Variants in THAP8 observed in about 807,000 individuals in gnomAD.
THAP8 encodes THAP domain-containing protein 8.
A neutral mutation model predicts 25.0 loss-of-function variants in THAP8; 24 were observed. That is an observed-to-expected ratio of 0.96 (90% CI 0.69 to 1.35). The LOEUF is 1.35. THAP8 is among the 40% of genes most tolerant of loss of function. The pLI is 0.00. For missense variants in THAP8, 399 were observed against 368.8 expected (o/e 1.08, Z -0.67); for synonymous variants, 169 against 157.6 (o/e 1.07, Z -0.54).
chr19:36,036,449 T>C (rs1389883077), intron 3 of THAP8, among the ~76,000 whole-genome samples: 2 of 152,088 alleles, frequency 1.3e-5, no homozygotes, highest in African/African-American at 4.8e-5. Flanking sequence ...TTTGTGTTTC[T>C]TGTAGAGACA....
chr19:36,045,758 G>A (rs1280960691), intron 1 of THAP8: 1 of 456,598 alleles, frequency 2.2e-6, no homozygotes, highest in Admixed American at 2.3e-5. Context: ...GGAGAGATGT[G>A]GCCACAAGCC....
At chr19:36,053,552 CA>C (rs766799036) in intron 1 of THAP8, among the ~76,000 whole-genome samples, 610 of 58,934 alleles carry the variant, frequency 0.01, 3 homozygotes, top group African/African-American at 0.029. Flanking sequence ...GATCTTGTCT[CA>C]AAAAAAAAAA....
In THAP8 at chr19:36,035,551, G is replaced by C; in HGVS notation, c.714C>G (p.Phe238Leu). 6.2e-7 allele frequency: 1 copy of C among 1,614,190 alleles called. No individual in the cohort carries two copies. The highest frequency in any genetic ancestry group is 8.5e-7 in the Non-Finnish European group (1 of 1,180,024). The change falls in exon 4 of 4, where the codon TTC becomes TTG. Residue 238 changes from phenylalanine (F) to leucine (L), a missense_variant. Phe to Leu is a conservative substitution (Grantham distance 22, BLOSUM62 0). Transcript: ENST00000292894. The part of the protein sequence containing the change: ...QTLGPEESQT[F>L]TIICGGPDIA... Reference sequence around the variant, plus strand: ...TGTCAGGCCCTCCACAGATGATGGTGAAGGTTTGGGATTCCTCAGGTCCAA... The same window carrying C: ...TGTCAGGCCCTCCACAGATGATGGTCAAGGTTTGGGATTCCTCAGGTCCAA...
At chr19:36,052,321 G>A (rs145916296) in intron 1 of THAP8, among the ~76,000 whole-genome samples, 2 of 152,318 alleles carry the variant, frequency 1.3e-5, no homozygotes, top group Non-Finnish European at 2.9e-5. Context: ...GGGATTACAG[G>A]CATGAGCCAC....
At chr19:36,052,996 G>A (rs1346525148) in intron 1 of THAP8, among the ~76,000 whole-genome samples, 1 of 152,170 alleles carries the variant, frequency 6.6e-6, no homozygotes, top group Non-Finnish European at 1.5e-5. Context: ...GCCGAGGCAG[G>A]AGGACTGCTT....
At chr19:36,050,218 TCAC>T (rs1364210522) in intron 1 of THAP8, among the ~76,000 whole-genome samples, 4 of 152,098 alleles carry the variant, frequency 2.6e-5, no homozygotes, top group Admixed American at 6.6e-5. Flanking sequence ...CAATCACAGC[TCAC>T]TGCAGCCTCG....
chr19:36,052,510 T>C (rs1970085195), intron 1 of THAP8, among the ~76,000 whole-genome samples: 1 of 152,244 alleles, frequency 6.6e-6, no homozygotes, highest in South Asian at 2.1e-4. Flanking sequence ...GGCCTTTGTT[T>C]TGTGAGGGAG....
At chr19:36,046,246 T>G (rs1183782599) in intron 1 of THAP8, among the ~76,000 whole-genome samples, 2 of 152,160 alleles carry the variant, frequency 1.3e-5, no homozygotes, top group Admixed American at 6.5e-5. Flanking sequence ...CCATGTAAGA[T>G]GTTTGCTTTC....
At chr19:36,042,092 G>A (rs1305336726) in intron 1 of THAP8, among the ~76,000 whole-genome samples, 2 of 150,604 alleles carry the variant, frequency 1.3e-5, no homozygotes, top group Non-Finnish European at 3.0e-5. Context: ...GGGGAAGGGG[G>A]AGGGAGTAAG....
At chr19:36,052,394 T>C (rs577154055) in intron 1 of THAP8, among the ~76,000 whole-genome samples, 1 of 152,312 alleles carries the variant, frequency 6.6e-6, no homozygotes, top group Admixed American at 6.5e-5. Context: ...AAGCGTTTCA[T>C]CCCAAAACCA....
chr19:36,038,000 A>G (rs1045460728), intron 3 of THAP8, among the ~76,000 whole-genome samples: 2 of 152,006 alleles, frequency 1.3e-5, no homozygotes, highest in East Asian at 3.9e-4. Context: ...GCTTGAGTGC[A>G]GTGGTGCCAT....
At chr19:36,047,411 C>A (rs1969914343) in intron 1 of THAP8, among the ~76,000 whole-genome samples, 1 of 152,174 alleles carries the variant, frequency 6.6e-6, no homozygotes, top group African/African-American at 2.4e-5. Flanking sequence ...ACGCTTTTTG[C>A]TCTTCCTCCC....
At chr19:36,049,570 G>A (rs1002547462) in intron 1 of THAP8, among the ~76,000 whole-genome samples, 2 of 152,174 alleles carry the variant, frequency 1.3e-5, no homozygotes, top group Non-Finnish European at 2.9e-5. Context: ...TCAGGGGTAG[G>A]CCCTGAGGTG....
intron 1 of THAP8, among the ~76,000 whole-genome samples, chr19:36,041,204 C>T (rs993208950): frequency 2.1e-4 from 32 of 150,560 alleles, no homozygotes; most frequent in African/African-American, 7.8e-4. Flanking sequence ...CCCAGCTACT[C>T]GGGAGGCTGA....
Position 36,039,583 on chromosome 19 carries a change from C to A in THAP8, c.412G>T (p.Gly138Trp). 6.6e-7 allele frequency: 1 copy of A among 1,513,980 alleles called. No individual in the cohort carries two copies. The highest frequency in any genetic ancestry group is 1.4e-5 in the African/African-American group (1 of 72,198). The allele number at this position is 1,513,980 out of a possible 1,614,324, so 93.8% of individuals were successfully genotyped here. The change falls in exon 3 of 4, where the codon GGG becomes TGG. Residue 138 changes from glycine to tryptophan, a missense_variant. By Grantham distance (184) the Gly-to-Trp change is radical (BLOSUM62 -2). Coordinates refer to ENST00000292894, the MANE Select transcript of THAP8 (RefSeq NM_152658.3). The stretch of plus-strand genomic sequence containing the variant: ...ATGGTGGCCACAGTCTTGGGGCTCC[C>A]CGATGTGGGGCCCAGCACCACTAGG... ...VRLVVLGPTS[G>W]SPKTVATMLL...
At position 36,037,697 on chromosome 19, in the gene THAP8, T is replaced by C. The variant is rs767470575; in HGVS notation, c.672+1626A>G. Reference sequence around the variant, plus strand: ...TCTTGTCGCCTACGCTGGAGTGCAATGGCACAATCTCGGCTCACTGCAACC... The same window carrying C: ...TCTTGTCGCCTACGCTGGAGTGCAACGGCACAATCTCGGCTCACTGCAACC... On this transcript the variant is annotated intron_variant, in intron 3 of 3. Transcript: ENST00000292894. Among the ~76,000 whole-genome samples the C allele has an allele frequency of 4.0e-4, 61 of 152,182 alleles. 1 individual carries two copies. Among genetic ancestry groups the C allele is most frequent in the Non-Finnish European group, 1.2e-4 (8 of 68,032 alleles).
upstream of THAP8, chr19:36,054,489 C>G: frequency 3.4e-6 from 2 of 579,768 alleles, no homozygotes; most frequent in Non-Finnish European, 6.2e-6. Context: ...ACTTTCATCA[C>G]GTGTTGGGGG....
At chr19:36,053,529 T>C (rs1599732029) in intron 1 of THAP8, among the ~76,000 whole-genome samples, 1 of 130,460 alleles carries the variant, frequency 7.7e-6, no homozygotes, top group South Asian at 2.4e-4. Flanking sequence ...CATTCCAGCC[T>C]GGGCGACAAA....
At position 36,049,271 on chromosome 19, in the gene THAP8, G is replaced by T. The variant is rs1405328723; in HGVS notation, c.83+4864C>A. On this transcript the variant is annotated intron_variant, in intron 1 of 3. Coordinates refer to ENST00000292894, the MANE Select transcript of THAP8 (RefSeq NM_152658.3). The stretch of plus-strand genomic sequence containing the variant: ...AAACAAAAAAAAAGGAGGCTGAGAT[G>T]GGAGGACTGCTTGAGCCTGGGAGGC... Among the ~76,000 whole-genome samples, 18 of 152,146 alleles carry T rather than the reference G, an allele frequency of 1.2e-4. No individual in the cohort carries two copies. In the East Asian group the frequency reaches 3.5e-3, roughly 29 times the overall value.
Sources: gnomAD v4.1 joint callset for allele counts (sites outside exome capture counted in the v4.1 genomes callset) on GRCh38, gnomAD v4.1.1 for gene constraint, MANE v1.5 for transcripts, NCBI Gene and HGNC (gene_info 2026-07-23, HGNC 2026-07-21) for gene names.